Variants in DAB1 observed in about 807,000 individuals in gnomAD.
DAB1 encodes disabled homolog 1.
Under a neutral mutation model 64.6 loss-of-function variants are expected in DAB1, and 15 were observed. That is an observed-to-expected ratio of 0.23 (90% confidence interval 0.16 to 0.36). The LOEUF is 0.36. Ranked by LOEUF, DAB1 falls within the 10% of genes least tolerant of loss-of-function variation. The pLI, the probability that DAB1 is intolerant of heterozygous loss-of-function variation, is 1.00. For missense variants in DAB1, 596 were observed against 706.7 expected, an observed-to-expected ratio of 0.84 and a Z score of 1.78; for synonymous variants, 235 against 251.9, an observed-to-expected ratio of 0.93 and a Z score of 0.64.
chr1:58,490,852 C>T (rs1453941699), intron 3 of DAB1, among the ~76,000 whole-genome samples: 5 of 120,968 alleles, frequency 4.1e-5, no homozygotes, highest in Non-Finnish European at 8.0e-5. Flanking sequence ...CTCGCCCAGG[C>T]TGGAGTGCAG....
intron 4 of DAB1, among the ~76,000 whole-genome samples, chr1:58,254,473 A>G (rs532915792): frequency 2.5e-4 from 33 of 133,482 alleles, no homozygotes; most frequent in Non-Finnish European, 3.6e-4. Flanking sequence ...TACATGTGCC[A>G]TGCTGGTGCG....
At chr1:57,944,686 G>T (rs1301045653) in intron 5 of DAB1, among the ~76,000 whole-genome samples, 1 of 152,162 alleles carries the variant, frequency 6.6e-6, no homozygotes, top group Non-Finnish European at 1.5e-5. Context: ...GTGTCTAATA[G>T]TATCTCTTCA....
intron 6 of DAB1, among the ~76,000 whole-genome samples, chr1:57,817,700 C>G (rs1488484450): frequency 6.6e-6 from 1 of 152,162 alleles, no homozygotes; most frequent in African/African-American, 2.4e-5. Flanking sequence ...GCAAAGCGGC[C>G]TATTTCCTAT....
chr1:57,214,721 T>C (rs184480029), intron 2 of DAB1, among the ~76,000 whole-genome samples: 2 of 151,764 alleles, frequency 1.3e-5, no homozygotes, highest in Non-Finnish European at 2.9e-5. Context: ...CCATCCTGGC[T>C]AACATGGTGA....
intron 5 of DAB1, among the ~76,000 whole-genome samples, chr1:58,010,436 G>C (rs745737052): frequency 6.6e-6 from 1 of 152,150 alleles, no homozygotes; most frequent in Non-Finnish European, 1.5e-5. Flanking sequence ...ACACATGCTT[G>C]GAAGAACACA....
chr1:57,795,704 T>G (rs1422185903), intron 6 of DAB1, among the ~76,000 whole-genome samples: 1 of 119,214 alleles, frequency 8.4e-6, no homozygotes, highest in African/African-American at 3.5e-5. Context: ...TATATATATA[T>G]ATATATATAT....
intron 5 of DAB1, among the ~76,000 whole-genome samples, chr1:57,925,845 G>T (rs1009748172): frequency 6.6e-6 from 1 of 152,170 alleles, no homozygotes; most frequent in South Asian, 2.1e-4. Context: ...CTATAGCACA[G>T]ATTAAAACAT....
At chr1:57,729,745 G>A (rs903426872) in intron 6 of DAB1, among the ~76,000 whole-genome samples, 6 of 152,154 alleles carry the variant, frequency 3.9e-5, no homozygotes, top group African/African-American at 1.4e-4. Context: ...GGCAACATCT[G>A]TTATTTTCTA....
At chr1:58,458,404 G>A (rs1302105248) in intron 3 of DAB1, among the ~76,000 whole-genome samples, 1 of 152,196 alleles carries the variant, frequency 6.6e-6, no homozygotes. Flanking sequence ...TGATCAGCTG[G>A]TCAATTTGGA....
At chr1:57,047,758 G>A (rs1482627991) in intron 9 of DAB1, among the ~76,000 whole-genome samples, 2 of 152,098 alleles carry the variant, frequency 1.3e-5, no homozygotes, top group African/African-American at 2.4e-5. Flanking sequence ...CTGCAGCTTC[G>A]GCCCCATCCC....
At chr1:58,348,946 T>G (rs988937900) in intron 3 of DAB1, among the ~76,000 whole-genome samples, 1 of 152,162 alleles carries the variant, frequency 6.6e-6, no homozygotes, top group African/African-American at 2.4e-5. Context: ...GGGCTGACTG[T>G]AGTCCATCTG....
chr1:57,800,561 T>A (rs1051360742), intron 6 of DAB1, among the ~76,000 whole-genome samples: 1 of 152,174 alleles, frequency 6.6e-6, no homozygotes, highest in African/African-American at 2.4e-5. Flanking sequence ...CCCCATGCGA[T>A]GGTAACACAG....
At chr1:57,886,493 C>T (rs764063713), upstream of DAB1, among the ~76,000 whole-genome samples, 3 of 152,196 alleles carry the variant, frequency 2.0e-5, no homozygotes, top group Admixed American at 6.5e-5. Flanking sequence ...ATCATACCAC[C>T]AGCAGTTAAC....
At chr1:57,396,475 G>C (rs985060682) in intron 1 of DAB1, among the ~76,000 whole-genome samples, 1 of 152,188 alleles carries the variant, frequency 6.6e-6, no homozygotes, top group South Asian at 2.1e-4. Flanking sequence ...TTCTAGTTAA[G>C]TTTCCATCTT....
intron 3 of DAB1, among the ~76,000 whole-genome samples, chr1:58,463,500 G>C (rs1404889644): frequency 6.6e-6 from 1 of 152,198 alleles, no homozygotes; most frequent in Non-Finnish European, 1.5e-5. Context: ...ATGGCAGTGT[G>C]TAAATCTTCA....
At chr1:58,143,842 C>A (rs1484210627) in intron 5 of DAB1, among the ~76,000 whole-genome samples, 1 of 152,206 alleles carries the variant, frequency 6.6e-6, no homozygotes, top group Non-Finnish European at 1.5e-5. Context: ...ATCCTTTCTA[C>A]TATGTTTTTC....
chr1:57,915,321 A>C (rs1363201365), intron 5 of DAB1, among the ~76,000 whole-genome samples: 3 of 152,192 alleles, frequency 2.0e-5, no homozygotes, highest in East Asian at 3.9e-4. Flanking sequence ...AATTATCTTT[A>C]GAAATATATA....
intron 2 of DAB1, among the ~76,000 whole-genome samples, chr1:58,511,851 T>G (rs1331521537): frequency 6.6e-6 from 1 of 152,128 alleles, no homozygotes; most frequent in Non-Finnish European, 1.5e-5. Context: ...TTTCATGACT[T>G]TGGTCTTGGC....
At chr1:57,656,321 C>T (rs117665834) in intron 6 of DAB1, among the ~76,000 whole-genome samples, 2,480 of 152,144 alleles carry the variant, frequency 0.016, 42 homozygotes, top group Admixed American at 0.046. Context: ...TCTGAGTACA[C>T]ACACATTCTA....
Sources: gnomAD v4.1 joint callset for allele counts (sites outside exome capture counted in the v4.1 genomes callset) on GRCh38, gnomAD v4.1.1 for gene constraint, MANE v1.5 for transcripts, NCBI Gene and HGNC (gene_info 2026-07-23, HGNC 2026-07-21) for gene names.